The following EIPR1 variants were observed in gnomAD, a reference collection of about 807,000 sequenced individuals.
The protein encoded by EIPR1 is EARP complex and GARP complex interacting protein 1.
A neutral mutation model predicts 48.1 loss-of-function variants in EIPR1; 25 were observed. The observed-to-expected ratio is 0.52, with a 90% CI of 0.38 to 0.73. The LOEUF (loss-of-function observed/expected upper bound fraction) is 0.73. Among genes scored for constraint, EIPR1 ranks in the 30% least tolerant of loss-of-function variants. The pLI is 0.00. For synonymous variants in EIPR1, 204 were observed against 201.9 expected (o/e 1.01, Z -0.09); for missense variants, 415 against 506.2 (o/e 0.82, Z 1.73).
At chr2:3,263,281 G>A (rs11127396) in intron 3 of EIPR1, among the ~76,000 whole-genome samples, 100,685 of 152,070 alleles carry the variant, frequency 0.66, 33,563 homozygotes, top group East Asian at 0.81. Flanking sequence ...CCAACTGCCT[G>A]GTGACTGGTT....
intron 4 of EIPR1, among the ~76,000 whole-genome samples, chr2:3,236,250 G>A (rs1169114193): frequency 6.6e-6 from 1 of 152,148 alleles, no homozygotes; most frequent in African/African-American, 2.4e-5. Flanking sequence ...CATGAACTGC[G>A]CAGGAAAACA....
At chr2:3,288,446 T>C (rs148613999) in intron 3 of EIPR1, among the ~76,000 whole-genome samples, 14 of 152,324 alleles carry the variant, frequency 9.2e-5, no homozygotes, top group African/African-American at 3.4e-4. Context: ...TGGCTGGGGC[T>C]GCTGGGGTGT....
intron 1 of EIPR1, among the ~76,000 whole-genome samples, chr2:3,369,753 G>C (rs565204588): frequency 3.3e-5 from 5 of 152,316 alleles, no homozygotes; most frequent in African/African-American, 7.2e-5. Context: ...TGGGTGGAGC[G>C]CACCACAGCT....
intron 6 of EIPR1, among the ~76,000 whole-genome samples, chr2:3,195,581 A>G (rs1664776581): frequency 6.6e-6 from 1 of 152,220 alleles, no homozygotes; most frequent in South Asian, 2.1e-4. Flanking sequence ...AAATCTTTCA[A>G]GGGAAACAGG....
At chr2:3,314,066 C>A (rs897293989) in intron 3 of EIPR1, among the ~76,000 whole-genome samples, 1 of 152,164 alleles carries the variant, frequency 6.6e-6, no homozygotes, top group Non-Finnish European at 1.5e-5. Flanking sequence ...CGGGGAGCAA[C>A]ATCGGCGGAT....
chr2:3,285,319 A>AC lies in EIPR1; in HGVS notation c.260-27865dup, dbSNP rs1437845749. Among the ~76,000 whole-genome samples the AC allele has an allele frequency of 8.0e-3, 462 of 57,648 alleles. 14 individuals are homozygous for AC. Among genetic ancestry groups the AC allele is most frequent in the Non-Finnish European group, 8.8e-4 (24 of 27,176 alleles). 37.8% of individuals were successfully genotyped at this position (57,648 alleles called of 152,430 possible). On this transcript the variant is annotated intron_variant, in intron 3 of 8. Coordinates refer to ENST00000382125, the MANE Select transcript of EIPR1 (RefSeq NM_003310.5). ...CAGGAAACAGAGCCAACACCCTCCC[A>AC]CCCCCCCACCCCCACCCCCACCCCC...
At chr2:3,191,020 G>C (rs1412002960) in intron 8 of EIPR1, among the ~76,000 whole-genome samples, 1 of 152,224 alleles carries the variant, frequency 6.6e-6, no homozygotes, top group African/African-American at 2.4e-5. Flanking sequence ...CCTGAGCCCA[G>C]GAGGTCAAGG....
intron 4 of EIPR1, among the ~76,000 whole-genome samples, chr2:3,235,148 A>G: frequency 6.6e-6 from 1 of 152,244 alleles, no homozygotes; most frequent in Non-Finnish European, 1.5e-5. Flanking sequence ...AAAAGGAAAA[A>G]GAAAATGACA....
chr2:3,301,549 G>A (rs1668762280), intron 3 of EIPR1: 1 of 152,236 alleles, frequency 6.6e-6, no homozygotes, highest in Non-Finnish European at 1.5e-5. Context: ...AGTGGGCCAG[G>A]CTCATTATTG....
chr2:3,293,217 T>TC (rs1668422173), intron 3 of EIPR1, among the ~76,000 whole-genome samples: 1 of 152,190 alleles, frequency 6.6e-6, no homozygotes, highest in South Asian at 2.1e-4. Flanking sequence ...GATGAGGGCC[T>TC]CCCCTTGAGC....
intron 4 of EIPR1, among the ~76,000 whole-genome samples, chr2:3,225,034 T>A (rs1437662249): frequency 6.6e-6 from 1 of 152,226 alleles, no homozygotes; most frequent in Non-Finnish European, 1.5e-5. Flanking sequence ...GTAAACAGTT[T>A]ATTTCAGTTA....
In EIPR1 at chr2:3,352,214, G is replaced by A. The variant is rs940219873; in HGVS notation, c.126+2336C>T. 6.3e-5 allele frequency among the ~76,000 whole-genome samples: 9 copies of A among 143,878 alleles called. 1 individual carries two copies. Among genetic ancestry groups the A allele is most frequent in the Non-Finnish European group, 1.2e-4 (8 of 66,194 alleles). 94.4% of individuals were successfully genotyped at this position (143,878 alleles called of 152,430 possible). On this transcript the variant is annotated intron_variant, in intron 2 of 8. Transcript: ENST00000382125. ...CATATCCATGCTACAGAAGCGACCTGCCCCTGAGCCATCCATACTGTCTGT... is the reference window on the plus strand; with the variant it reads ...CATATCCATGCTACAGAAGCGACCTACCCCTGAGCCATCCATACTGTCTGT...
intron 2 of EIPR1, among the ~76,000 whole-genome samples, chr2:3,341,927 T>C (rs1198334636): frequency 6.6e-6 from 1 of 152,110 alleles, no homozygotes; most frequent in Non-Finnish European, 1.5e-5. Context: ...ACTCAAAAAT[T>C]TAAAAATGAG....
intron 1 of EIPR1, among the ~76,000 whole-genome samples, chr2:3,363,036 G>A (rs1028648693): frequency 3.3e-5 from 5 of 152,178 alleles, no homozygotes; most frequent in African/African-American, 1.2e-4. Context: ...TGGGCGGCCT[G>A]CATCTGCCCT....
chr2:3,289,982 C>T (rs1668317572), intron 3 of EIPR1, among the ~76,000 whole-genome samples: 1 of 152,266 alleles, frequency 6.6e-6, no homozygotes. Flanking sequence ...ACAATGCCCT[C>T]TGATGGGCCC....
intron 7 of EIPR1, among the ~76,000 whole-genome samples, chr2:3,193,310 C>T (rs1291170282): frequency 1.3e-5 from 2 of 152,236 alleles, no homozygotes; most frequent in African/African-American, 4.8e-5. Flanking sequence ...TACAGAGATG[C>T]AGGCCATAGG....
chr2:3,191,649 C>T (rs377703961), intron 8 of EIPR1, among the ~76,000 whole-genome samples: 8 of 152,310 alleles, frequency 5.3e-5, no homozygotes, highest in African/African-American at 1.2e-4. Flanking sequence ...AGAATCTCTG[C>T]GGTTGCAACT....
At chr2:3,191,925 GGTT>G (rs1440438783) in intron 8 of EIPR1, among the ~76,000 whole-genome samples, 1 of 152,176 alleles carries the variant, frequency 6.6e-6, no homozygotes, top group Non-Finnish European at 1.5e-5. Flanking sequence ...GTAGGACCCG[GGTT>G]TGAGACTGGG....
chr2:3,238,817 C>T (rs778561351), intron 4 of EIPR1, among the ~76,000 whole-genome samples: 34 of 152,326 alleles, frequency 2.2e-4, no homozygotes, highest in Non-Finnish European at 2.9e-5. Context: ...CCCTGAGATT[C>T]CCAGACAAGA....
Sources: allele counts gnomAD v4.1 joint callset (sites outside exome capture counted in the v4.1 genomes callset), GRCh38; gene constraint gnomAD v4.1.1; transcripts MANE v1.5; gene names NCBI Gene and HGNC (gene_info 2026-07-23, HGNC 2026-07-21).